Variants in ERBB4 observed in about 807,000 individuals in gnomAD.
ERBB4 encodes receptor tyrosine-protein kinase erbB-4.
A neutral mutation model predicts 158.0 loss-of-function variants in ERBB4; 42 were observed. That is an observed-to-expected ratio of 0.27 (90% CI 0.21 to 0.34). ERBB4 has a LOEUF of 0.34. Ranked by LOEUF, ERBB4 falls within the 10% of genes least tolerant of loss-of-function variation. The pLI is 1.00. For synonymous variants in ERBB4, 583 were observed against 558.7 expected (o/e 1.04, Z -0.61); for missense variants, 1,333 against 1,624.1 (o/e 0.82, Z 3.08).
At chr2:212,503,796 C>T (rs774696947) in intron 1 of ERBB4, among the ~76,000 whole-genome samples, 2 of 151,906 alleles carry the variant, frequency 1.3e-5, no homozygotes, top group African/African-American at 2.4e-5. Context: ...GTATTTACCA[C>T]GGGTGTTTTT....
At chr2:211,699,680 C>A (rs1318124000) in intron 12 of ERBB4, among the ~76,000 whole-genome samples, 1 of 151,822 alleles carries the variant, frequency 6.6e-6, no homozygotes. Flanking sequence ...ACTGCAAAGT[C>A]AATTCTTATG....
chr2:211,986,789 G>A lies in ERBB4; in HGVS notation c.235-39173C>T, dbSNP rs111860705. On this transcript the variant is annotated intron_variant, in intron 2 of 27. Coordinates refer to ENST00000342788, the MANE Select transcript of ERBB4 (RefSeq NM_005235.3). ...GGTGAAGGTTATATGATTTGGGGCT[G>A]TTTAATTGCTGAAAATTTTTACTAA... Among the ~76,000 whole-genome samples, 866 of 152,134 alleles carry A rather than the reference G, an allele frequency of 5.7e-3. 4 individuals are homozygous for A. Among genetic ancestry groups the A allele is most frequent in the Middle Eastern group, 0.01 (3 of 294 alleles).
At chr2:211,404,051 A>G (rs1408928812) in intron 25 of ERBB4, among the ~76,000 whole-genome samples, 6 of 152,172 alleles carry the variant, frequency 3.9e-5, no homozygotes, top group Non-Finnish European at 8.8e-5. Context: ...ATGTATAATT[A>G]GGTACATAGA....
intron 20 of ERBB4, among the ~76,000 whole-genome samples, chr2:211,434,936 C>T (rs2063818543): frequency 6.6e-6 from 1 of 152,214 alleles, no homozygotes; most frequent in East Asian, 1.9e-4. Context: ...CTTAGTCCTA[C>T]TTTCACACAC....
intron 4 of ERBB4, chr2:211,777,196 C>T (rs1395191466): frequency 6.6e-6 from 1 of 152,156 alleles, no homozygotes; most frequent in Non-Finnish European, 1.5e-5. Context: ...TTATGTCCTT[C>T]AAGCATGATA....
rs910164694 is a variant in ERBB4 at position 212,266,204 on chromosome 2, C to T, written c.83-141301G>A. Among the ~76,000 whole-genome samples, 35 of 151,218 alleles carry T rather than the reference C, an allele frequency of 2.3e-4. 1 individual carries two copies. Among genetic ancestry groups the T allele is most frequent in the Admixed American group, 8.6e-4 (13 of 15,108 alleles). Reference sequence around the variant, plus strand: ...CATTTTCTTTTCCTGGAAACTAATACGAGGAGGAGGGATATTGTTATACTA... The same window carrying T: ...CATTTTCTTTTCCTGGAAACTAATATGAGGAGGAGGGATATTGTTATACTA... On this transcript the variant is annotated intron_variant, in intron 1 of 27. Transcript: ENST00000342788.
At chr2:211,937,760 T>A (rs1288920606) in intron 3 of ERBB4, among the ~76,000 whole-genome samples, 3 of 152,106 alleles carry the variant, frequency 2.0e-5, no homozygotes, top group Admixed American at 2.0e-4. Context: ...ACCCCATGAT[T>A]CAATTATCTC....
At chr2:212,256,205 C>T (rs960303963) in intron 1 of ERBB4, among the ~76,000 whole-genome samples, 7 of 152,028 alleles carry the variant, frequency 4.6e-5, no homozygotes, top group African/African-American at 1.7e-4. Context: ...ATATATTTCT[C>T]ATCTGATTCT....
intron 1 of ERBB4, among the ~76,000 whole-genome samples, chr2:212,227,011 C>T (rs909129922): frequency 6.6e-6 from 1 of 151,960 alleles, no homozygotes; most frequent in Admixed American, 6.6e-5. Flanking sequence ...TCTAGAAGGC[C>T]GAGGCTGGCA....
At chr2:211,541,423 C>T (rs958676241) in intron 20 of ERBB4, among the ~76,000 whole-genome samples, 22 of 151,900 alleles carry the variant, frequency 1.4e-4, no homozygotes, top group African/African-American at 5.3e-4. Flanking sequence ...TCACTATGAC[C>T]TACAGTTAAC....
At chr2:212,512,377 T>C (rs1691575649) in intron 1 of ERBB4, among the ~76,000 whole-genome samples, 1 of 151,368 alleles carries the variant, frequency 6.6e-6, no homozygotes, top group African/African-American at 2.4e-5. Flanking sequence ...AAAACAAATA[T>C]GATACAGGTA....
At chr2:212,399,162 C>T (rs1416954724) in intron 1 of ERBB4, among the ~76,000 whole-genome samples, 6 of 151,900 alleles carry the variant, frequency 3.9e-5, no homozygotes, top group Non-Finnish European at 7.4e-5. Flanking sequence ...AGACTGATCT[C>T]AAACTTCTGA....
intron 1 of ERBB4, among the ~76,000 whole-genome samples, chr2:212,491,102 T>C (rs951126566): frequency 3.3e-5 from 5 of 151,602 alleles, no homozygotes; most frequent in Non-Finnish European, 7.4e-5. Flanking sequence ...CATCTGAGGC[T>C]GTCTCTGTAA....
chr2:211,561,516 G>C (rs17413253), intron 20 of ERBB4, among the ~76,000 whole-genome samples: 14,514 of 152,220 alleles, frequency 0.095, 890 homozygotes, highest in Non-Finnish European at 0.14. Flanking sequence ...TAAACATAAA[G>C]GCTATTTTTA....
Position 211,562,054 on chromosome 2 carries a change from T to G in ERBB4, c.2336A>C (p.His779Pro). 6.2e-7 allele frequency: 1 copy of G among 1,613,894 alleles called. No homozygotes were observed. Residue 779 changes from histidine (H) to proline (P), a missense_variant, in exon 20 of 28, where the codon CAC (histidine) becomes CCC (proline). This residue lies in a region of ERBB4 where 314 missense variants were observed against 437.6 expected (regional missense o/e 0.72). Transcript: ENST00000342788. ...ACACACACCCAGCAACCGGACTAGG[T>G]GTGGATGATCCATACTTGCCATGAT... is the stretch of plus-strand genomic sequence containing the variant. The part of the protein sequence containing the change: ...ALIMASMDHP[H>P]LVRLLGVCLS...
chr2:211,420,579 A>G lies in ERBB4; in HGVS notation c.2997T>C (p.Asn999=), dbSNP rs753701095. 1 of 1,612,946 alleles carries G rather than the reference A, an allele frequency of 6.2e-7. No homozygotes were observed. Among genetic ancestry groups the G allele is most frequent in the Non-Finnish European group, 8.5e-7 (1 of 1,179,274 alleles). Reference sequence around the variant, plus strand: ...AGAGATTCTGAAAGAACTTGCTGTCATTTGGACTGGGAAGCTTCATACGAT... The same window carrying G: ...AGAGATTCTGAAAGAACTTGCTGTCGTTTGGACTGGGAAGCTTCATACGAT... The part of the protein sequence containing the change: ...GDDRMKLPSP[N]DSKFFQNLLD... The change falls in exon 25 of 28, where the codon AAT becomes AAC. Residue 999 remains asparagine (N), a synonymous_variant. Transcript: ENST00000342788.
intron 1 of ERBB4, among the ~76,000 whole-genome samples, chr2:212,226,451 C>T (rs1003792332): frequency 6.6e-6 from 1 of 151,540 alleles, no homozygotes; most frequent in African/African-American, 2.4e-5. Context: ...TAATTTATTA[C>T]ACAGTAATAC....
At chr2:211,718,702 T>C (rs2074000962) in intron 7 of ERBB4, among the ~76,000 whole-genome samples, 1 of 151,774 alleles carries the variant, frequency 6.6e-6, no homozygotes, top group Admixed American at 6.6e-5. Context: ...ATTCTTACAC[T>C]TATTCACACA....
chr2:211,467,060 A>G (rs1425972403), intron 20 of ERBB4, among the ~76,000 whole-genome samples: 1 of 152,138 alleles, frequency 6.6e-6, no homozygotes, highest in Non-Finnish European at 1.5e-5. Flanking sequence ...TCCAATGTCC[A>G]TGTTAGTAAT....
Sources: gnomAD v4.1 joint callset for allele counts (sites outside exome capture counted in the v4.1 genomes callset) on GRCh38, gnomAD v4.1.1 for gene constraint, gnomAD v4.1.1 regional missense constraint, MANE v1.5 for transcripts, NCBI Gene and HGNC (gene_info 2026-07-23, HGNC 2026-07-21) for gene names.